ST18: variants seen among roughly 807,000 people sequenced by gnomAD.
The protein encoded by ST18 is suppression of tumorigenicity 18 protein.
In ST18, 50 loss-of-function variants were observed where a neutral mutation model predicts 110.0. The ratio of observed to expected loss-of-function variants is 0.45; its 90% confidence interval spans 0.36 to 0.58. The LOEUF is 0.58. Among genes scored for constraint, ST18 ranks in the 20% least tolerant of loss-of-function variants. The pLI is 0.00. For missense variants in ST18, 1,306 were observed against 1,280.1 expected, an observed-to-expected ratio of 1.02 and a Z score of -0.31; for synonymous variants, 461 against 452.4, an observed-to-expected ratio of 1.02 and a Z score of -0.24.
chr8:52,214,533 A>G (rs1437373153), intron 6 of ST18, among the ~76,000 whole-genome samples: 1 of 152,178 alleles, frequency 6.6e-6, no homozygotes, highest in East Asian at 1.9e-4. Flanking sequence ...TTCTGGCATT[A>G]CAAAGATAGA....
At chr8:52,331,053 T>C (rs1323004438) in intron 2 of ST18, among the ~76,000 whole-genome samples, 1 of 152,078 alleles carries the variant, frequency 6.6e-6, no homozygotes, top group Non-Finnish European at 1.5e-5. Context: ...GAGAACAGTT[T>C]CCCTGGCTGC....
chr8:52,114,606 A>C (rs555815816), intron 25 of ST18, among the ~76,000 whole-genome samples: 24 of 152,196 alleles, frequency 1.6e-4, no homozygotes, highest in Non-Finnish European at 2.6e-4. Context: ...TTGTCCAATC[A>C]TGATTCTCTG....
intron 2 of ST18, among the ~76,000 whole-genome samples, chr8:52,253,367 G>A (rs2094409210): frequency 6.6e-6 from 1 of 151,922 alleles, no homozygotes; most frequent in Non-Finnish European, 1.5e-5. Context: ...TTTGTCCAAG[G>A]TTAGTATTTT....
At chr8:52,361,619 A>T (rs964747247) in intron 2 of ST18, among the ~76,000 whole-genome samples, 8 of 152,188 alleles carry the variant, frequency 5.3e-5, no homozygotes, top group Admixed American at 5.2e-4. Context: ...ATTATTTTGC[A>T]TATTTCTATT....
chr8:52,374,336 C>T (rs1243137883), intron 2 of ST18, among the ~76,000 whole-genome samples: 1 of 151,962 alleles, frequency 6.6e-6, no homozygotes, highest in African/African-American at 2.4e-5. Flanking sequence ...CTGGGTGATG[C>T]ATCTAGAAGC....
At chr8:52,378,784 G>A (rs767173335) in intron 2 of ST18, among the ~76,000 whole-genome samples, 2 of 152,148 alleles carry the variant, frequency 1.3e-5, no homozygotes, top group Non-Finnish European at 2.9e-5. Flanking sequence ...GAATTAAAAT[G>A]TTATTTTCCC....
chr8:52,290,435 T>A (rs918679377), intron 2 of ST18, among the ~76,000 whole-genome samples: 1 of 152,178 alleles, frequency 6.6e-6, no homozygotes, highest in African/African-American at 2.4e-5. Flanking sequence ...AATGTTTACA[T>A]ACCAATAAAT....
chr8:52,394,439 C>T (rs1840399745), intron 2 of ST18, among the ~76,000 whole-genome samples: 1 of 152,152 alleles, frequency 6.6e-6, no homozygotes, highest in South Asian at 2.1e-4. Context: ...TCTTCAAAAT[C>T]TTCCTTAGTC....
intron 8 of ST18, among the ~76,000 whole-genome samples, chr8:52,192,753 A>C (rs967369676): frequency 6.6e-6 from 1 of 152,188 alleles, no homozygotes; most frequent in African/African-American, 2.4e-5. Context: ...TACATTCATT[A>C]CTCCAAATCT....
intron 15 of ST18, among the ~76,000 whole-genome samples, chr8:52,157,253 A>G (rs2060263606): frequency 6.6e-6 from 1 of 152,170 alleles, no homozygotes; most frequent in African/African-American, 2.4e-5. Flanking sequence ...TGTCATTGTC[A>G]TAGAAGATGG....
intron 6 of ST18, among the ~76,000 whole-genome samples, chr8:52,216,794 G>A (rs552135228): frequency 3.5e-4 from 53 of 152,264 alleles, no homozygotes; most frequent in African/African-American, 1.3e-3. Context: ...TTGCCAATGG[G>A]TAGGTTTAAT....
At chr8:52,116,996 G>C (rs1450721550) in intron 24 of ST18, among the ~76,000 whole-genome samples, 2 of 152,164 alleles carry the variant, frequency 1.3e-5, no homozygotes, top group East Asian at 1.9e-4. Flanking sequence ...TAAAATGCAA[G>C]TCAGCATGTC....
chr8:52,382,661 C>T (rs1835004571), intron 2 of ST18, among the ~76,000 whole-genome samples: 1 of 151,458 alleles, frequency 6.6e-6, no homozygotes, highest in African/African-American at 2.4e-5. Context: ...GAGATTTTCA[C>T]AGGAAAGGGG....
At chr8:52,208,916 A>T (rs2081147450) in intron 8 of ST18, among the ~76,000 whole-genome samples, 3 of 152,194 alleles carry the variant, frequency 2.0e-5, no homozygotes, top group Admixed American at 2.0e-4. Flanking sequence ...TGATTATAAA[A>T]TTTCAAATGA....
chr8:52,256,089 A>G (rs1239912711), intron 2 of ST18, among the ~76,000 whole-genome samples: 2 of 152,208 alleles, frequency 1.3e-5, no homozygotes, highest in Non-Finnish European at 2.9e-5. Context: ...TATATCCATC[A>G]AAACAAAGCC....
chr8:52,156,002 G>A (rs2059926097), intron 15 of ST18, among the ~76,000 whole-genome samples: 1 of 152,116 alleles, frequency 6.6e-6, no homozygotes, highest in African/African-American at 2.4e-5. Flanking sequence ...GGAAAGAACT[G>A]GATGCAAGCA....
chr8:52,182,625 C>T (rs553005838), intron 8 of ST18, among the ~76,000 whole-genome samples: 24 of 151,938 alleles, frequency 1.6e-4, no homozygotes, highest in African/African-American at 3.6e-4. Context: ...TGGTGGTTGC[C>T]GGGGGATGAG....
chr8:52,166,910 G>A lies in ST18; in HGVS notation c.1146C>T (p.Leu382=). 1 of 1,612,260 alleles carries A rather than the reference G, an allele frequency of 6.2e-7. No individual in the cohort carries two copies. The highest frequency in any genetic ancestry group is 8.5e-7 in the Non-Finnish European group (1 of 1,178,658). The part of the protein sequence containing the change: ...GCDGTGHVTG[L]YPHHRSLSGC... ...CCGAAAGGCTGCGGTGGTGCGGGTA[G>A]AGCCCTGTCACGTGTCCCGTGCCAT... The change falls in exon 11 of 26, where the codon CTC becomes CTT. Residue 382 remains leucine, a synonymous_variant. Transcript: ENST00000689386.
At chr8:52,148,182 C>A (rs556935582) in intron 16 of ST18, among the ~76,000 whole-genome samples, 1 of 152,104 alleles carries the variant, frequency 6.6e-6, no homozygotes, top group East Asian at 1.9e-4. Flanking sequence ...GTTTCACATT[C>A]GTTATCATCA....
Sources: allele counts gnomAD v4.1 joint callset (sites outside exome capture counted in the v4.1 genomes callset), GRCh38; gene constraint gnomAD v4.1.1; transcripts MANE v1.5; gene names NCBI Gene and HGNC (gene_info 2026-07-23, HGNC 2026-07-21).